The following ZNF438 variants were observed in gnomAD, a reference collection of about 807,000 sequenced individuals.
ZNF438 encodes zinc finger protein 438.
Under a neutral mutation model 38.0 loss-of-function variants are expected in ZNF438, and 25 were observed. That is an observed-to-expected ratio of 0.66 (90% CI 0.48 to 0.92). The LOEUF is 0.92. Among genes scored for constraint, ZNF438 ranks in the 40% least tolerant of loss-of-function variants. The pLI, the probability that ZNF438 is intolerant of heterozygous loss-of-function variation, is 0.00. For synonymous variants in ZNF438, 372 were observed against 364.1 expected (o/e 1.02, Z -0.25); for missense variants, 1,007 against 999.6 (o/e 1.01, Z -0.10).
chr10:30,981,037 T>C (rs2052069177), intron 1 of ZNF438, among the ~76,000 whole-genome samples: 1 of 152,192 alleles, frequency 6.6e-6, no homozygotes, highest in Non-Finnish European at 1.5e-5. Context: ...GTGTTGCAGT[T>C]TCTGGATCAA....
intron 1 of ZNF438, among the ~76,000 whole-genome samples, chr10:30,993,853 G>A (rs1440006171): frequency 6.6e-6 from 1 of 152,256 alleles, no homozygotes; most frequent in Non-Finnish European, 1.5e-5. Flanking sequence ...TGAGGCCTTG[G>A]AGGCCCAACC....
chr10:30,955,149 G>A (rs1037252175), intron 1 of ZNF438, among the ~76,000 whole-genome samples: 1 of 152,134 alleles, frequency 6.6e-6, no homozygotes, highest in African/African-American at 2.4e-5. Context: ...CCTGAACAGT[G>A]TACTTGTTGT....
chr10:30,969,491 C>T (rs1453911825), intron 1 of ZNF438, among the ~76,000 whole-genome samples: 1 of 152,180 alleles, frequency 6.6e-6, no homozygotes, highest in African/African-American at 2.4e-5. Flanking sequence ...CTCATTCTTT[C>T]CATGAATTCT....
intron 1 of ZNF438, among the ~76,000 whole-genome samples, chr10:31,015,250 T>C (rs1331705034): frequency 6.6e-6 from 1 of 152,176 alleles, no homozygotes; most frequent in Non-Finnish European, 1.5e-5. Flanking sequence ...TTACTATTAT[T>C]ATCAATATTG....
chr10:30,873,284 G>A (rs2037795702), intron 4 of ZNF438, among the ~76,000 whole-genome samples: 1 of 152,120 alleles, frequency 6.6e-6, no homozygotes, highest in South Asian at 2.1e-4. Flanking sequence ...TTCTCACACA[G>A]AAAGGAATAA....
At chr10:31,029,902 G>A (rs1465013886) in intron 1 of ZNF438, among the ~76,000 whole-genome samples, 1 of 152,148 alleles carries the variant, frequency 6.6e-6, no homozygotes, top group Non-Finnish European at 1.5e-5. Context: ...CTGTGAGGCC[G>A]AAAATACAGT....
chr10:30,887,046 G>GCGA (rs1212007361), intron 3 of ZNF438, among the ~76,000 whole-genome samples: 1 of 152,168 alleles, frequency 6.6e-6, no homozygotes, highest in Non-Finnish European at 1.5e-5. Flanking sequence ...TCCCCTGTGA[G>GCGA]CGTGTCTTTC....
In ZNF438 at chr10:31,027,904, G is replaced by A. The variant is rs58667684; in HGVS notation, c.-192+3929C>T. Among the ~76,000 whole-genome samples, 523 of 151,716 alleles carry A rather than the reference G, an allele frequency of 3.4e-3. 2 individuals carry two copies. Among genetic ancestry groups the A allele is most frequent in the Middle Eastern group, 0.014 (4 of 292 alleles). On this transcript the variant is annotated intron_variant, in intron 1 of 5. Coordinates refer to ENST00000413025, the Ensembl canonical transcript of ZNF438. ...TTCTGAAATTAACCATAAAATCTAC[G>A]GCAGTGCAATTTTATATAATTCTTA...
intron 1 of ZNF438, among the ~76,000 whole-genome samples, chr10:31,006,785 G>GT (rs2055176899): frequency 9.0e-6 from 1 of 110,634 alleles, no homozygotes; most frequent in East Asian, 3.2e-4. Flanking sequence ...GGGCGGGGGG[G>GT]GGAACTCCCA....
chr10:30,902,422 C>G (rs1420682905), intron 3 of ZNF438, among the ~76,000 whole-genome samples: 1 of 152,134 alleles, frequency 6.6e-6, no homozygotes, highest in Non-Finnish European at 1.5e-5. Flanking sequence ...GAGCTAGATA[C>G]AGAGTGCCAA....
chr10:30,917,099 A>G (rs375360578), intron 2 of ZNF438, among the ~76,000 whole-genome samples: 27 of 152,128 alleles, frequency 1.8e-4, no homozygotes, highest in Admixed American at 1.3e-3. Flanking sequence ...ACCACTACCC[A>G]AAGTTTGTTC....
chr10:30,901,146 A>G lies in ZNF438; in HGVS notation c.-32+7787T>C, dbSNP rs146949229. ...AGTCGCCTTTCTTATAACAGTTATA[A>G]CTGAAATCACAACCCATTTGCACAC... On this transcript the variant is annotated intron_variant, in intron 3 of 5. Transcript: ENST00000413025. Among the ~76,000 whole-genome samples, 369 of 152,230 alleles carry G rather than the reference A, an allele frequency of 2.4e-3. 1 individual carries two copies. Among genetic ancestry groups the G allele is most frequent in the African/African-American group, 8.3e-3 (346 of 41,564 alleles).
chr10:30,879,870 A>G (rs566047467), intron 3 of ZNF438, among the ~76,000 whole-genome samples: 35 of 152,268 alleles, frequency 2.3e-4, no homozygotes, highest in African/African-American at 7.7e-4. Context: ...CCAGTATTTG[A>G]AGAGGGGAGA....
chr10:30,920,785 C>G (rs2934642), intron 2 of ZNF438: 1 of 152,102 alleles, frequency 6.6e-6, no homozygotes, highest in Non-Finnish European at 1.5e-5. Context: ...TAGAAATAGC[C>G]GAGTGTAGCC....
intron 3 of ZNF438, among the ~76,000 whole-genome samples, chr10:30,907,132 G>A (rs1249705149): frequency 3.3e-5 from 5 of 152,082 alleles, no homozygotes; most frequent in African/African-American, 9.7e-5. Context: ...TCGCCACCAC[G>A]CCCAGCTAAT....
At chr10:30,961,036 TTAAA>T (rs1589437159) in intron 1 of ZNF438, among the ~76,000 whole-genome samples, 1 of 145,180 alleles carries the variant, frequency 6.9e-6, no homozygotes, top group African/African-American at 2.4e-5. Flanking sequence ...CACTTAGCAC[TTAAA>T]TAGACAATGA....
At chr10:30,931,911 G>C (rs2045739428) in intron 2 of ZNF438, among the ~76,000 whole-genome samples, 1 of 152,178 alleles carries the variant, frequency 6.6e-6, no homozygotes, top group African/African-American at 2.4e-5. Flanking sequence ...CTCAATCTCT[G>C]ACCCAGAGAC....
At chr10:30,928,751 A>G (rs1443692145) in intron 2 of ZNF438, among the ~76,000 whole-genome samples, 24 of 152,078 alleles carry the variant, frequency 1.6e-4, no homozygotes, top group Admixed American at 1.6e-3. Context: ...GATTCTCTGT[A>G]GTTCCAATTT....
At chr10:30,935,711 G>T (rs779917102) in intron 2 of ZNF438, among the ~76,000 whole-genome samples, 2 of 152,164 alleles carry the variant, frequency 1.3e-5, no homozygotes, top group African/African-American at 4.8e-5. Flanking sequence ...CCATGTAGCT[G>T]GAGAGGCCTC....
Sources: allele counts gnomAD v4.1 joint callset (sites outside exome capture counted in the v4.1 genomes callset), GRCh38; gene constraint gnomAD v4.1.1; transcripts MANE v1.5; gene names NCBI Gene and HGNC (gene_info 2026-07-23, HGNC 2026-07-21).